Variants in LARP4 observed in about 807,000 individuals in gnomAD.
LARP4 encodes the protein la-related protein 4.
LARP4 carries 29 observed loss-of-function variants against 92.9 expected under a neutral mutation model. The ratio of observed to expected loss-of-function variants is 0.31; its 90% CI spans 0.23 to 0.43. The LOEUF (loss-of-function observed/expected upper bound fraction) is 0.43. Ranked by LOEUF, LARP4 falls within the 20% of genes least tolerant of loss-of-function variation. LARP4 has a pLI of 1.00. For missense variants in LARP4, 732 were observed against 860.0 expected (o/e 0.85, Z 1.86); for synonymous variants, 279 against 284.1 (o/e 0.98, Z 0.18).
intron 1 of LARP4, among the ~76,000 whole-genome samples, chr12:50,426,684 G>GGGGTGTGTGTGTGTGTGTGT (rs774548049): frequency 3.5e-5 from 3 of 86,174 alleles, no homozygotes; most frequent in East Asian, 4.2e-4. Context: ...TTATGTTTGG[G>GGGGTGTGTGTGTGTGTGTGT]GTGTGTGTGT....
intron 1 of LARP4, among the ~76,000 whole-genome samples, chr12:50,418,913 G>A (rs1322862483): frequency 6.6e-6 from 1 of 152,048 alleles, no homozygotes; most frequent in Admixed American, 6.6e-5. Context: ...AGAGGGGGGT[G>A]GTCTTCCTAT....
intron 13 of LARP4, among the ~76,000 whole-genome samples, chr12:50,470,048 C>T (rs557698549): frequency 6.6e-6 from 1 of 151,350 alleles, no homozygotes; most frequent in African/African-American, 2.4e-5. Flanking sequence ...AGAGAGGTCC[C>T]GTCTGTACAT....
chr12:50,441,387 C>A (rs1299135029), intron 7 of LARP4: 2 of 409,178 alleles, frequency 4.9e-6, no homozygotes, highest in African/African-American at 4.2e-5. Flanking sequence ...TGCAGTAATC[C>A]ATGGTGGCTT....
chr12:50,467,458 C>CTTTTGTAT (rs1956295085), intron 13 of LARP4, among the ~76,000 whole-genome samples: 1 of 151,810 alleles, frequency 6.6e-6, no homozygotes, highest in South Asian at 2.1e-4. Flanking sequence ...GCCCAGCTAA[C>CTTTTGTAT]TTTTGTATTT....
intron 6 of LARP4, among the ~76,000 whole-genome samples, chr12:50,439,277 A>G (rs1950866540): frequency 6.6e-6 from 1 of 152,158 alleles, no homozygotes; most frequent in African/African-American, 2.4e-5. Context: ...TCATATTCTG[A>G]ATACATAAAG....
Position 50,473,530 on chromosome 12 carries a change from C to T in LARP4, c.1661C>T (p.Ala554Val). The T allele has an allele frequency of 6.2e-7, 1 of 1,612,590 alleles. No individual in the cohort carries two copies. Among genetic ancestry groups the T allele is most frequent in the Non-Finnish European group, 8.5e-7 (1 of 1,179,172 alleles). ...TSSPCAAELT[A>V]LSTTQQEKDL... ...TCTCCATGTGCTGCTGAGCTTACTG[C>T]ATTAAGGTACAAGTTATAGTATAGA... Residue 554 changes from alanine to valine, a missense_variant, in exon 14 of 16, where the codon GCA becomes GTA. This residue lies in a region of LARP4 where 97 missense variants were observed against 85.9 expected (regional missense o/e 1.13). Coordinates refer to ENST00000398473, the MANE Select transcript of LARP4 (RefSeq NM_052879.5).
At chr12:50,428,811 T>C (rs1949204233) in intron 2 of LARP4, 124 bp from the exon 3 acceptor site, 1 of 668,510 alleles carries the variant, frequency 1.5e-6, no homozygotes, top group African/African-American at 1.8e-5. Flanking sequence ...CTTAAAACCA[T>C]GCGGACATAT....
intron 8 of LARP4, among the ~76,000 whole-genome samples, chr12:50,447,632 A>G (rs1408212509): frequency 6.6e-6 from 1 of 152,126 alleles, no homozygotes; most frequent in Non-Finnish European, 1.5e-5. Context: ...GCTGGAGTAC[A>G]GTGTGCGTGA....
chr12:50,426,734 T>TGTGG (rs1473501855), intron 1 of LARP4, among the ~76,000 whole-genome samples: 3 of 89,052 alleles, frequency 3.4e-5, no homozygotes, highest in African/African-American at 2.5e-4. Context: ...TGTGTGTGGT[T>TGTGG]TTTTTTTTTT....
rs1005844772 is a variant in LARP4, at chr12:50,428,028, C to A, written c.166+119C>A. 62 of 633,364 alleles carry A rather than the reference C, an allele frequency of 9.8e-5. 1 individual carries two copies. In the Admixed American group the frequency reaches 2.1e-3, roughly 21 times the overall value. The allele number at this position is 633,364 out of a possible 1,614,324, so 39.2% of individuals were successfully genotyped here. On this transcript the variant is annotated intron_variant, in intron 2 of 15. Coordinates refer to ENST00000398473, the MANE Select transcript of LARP4 (RefSeq NM_052879.5). Reference sequence around the variant, plus strand: ...TTTTTTTTTTTGAGACAGAGTCTTCCTCTGTCACCCAGGCTGGAGTACAGT... The same window carrying A: ...TTTTTTTTTTTGAGACAGAGTCTTCATCTGTCACCCAGGCTGGAGTACAGT...
chr12:50,473,824 G>T (rs1163976383), intron 14 of LARP4, among the ~76,000 whole-genome samples, 175 bp from the exon 15 acceptor site: 1 of 131,998 alleles, frequency 7.6e-6, no homozygotes, highest in Non-Finnish European at 1.6e-5. Flanking sequence ...TGGGGGGGGT[G>T]GGGGGTGCGG....
At position 50,461,241 on chromosome 12, in the gene LARP4, G is replaced by A. The variant is rs1468223852; in HGVS notation, c.1228G>A (p.Ala410Thr). The change falls in exon 11 of 16, where the codon GCT becomes ACT. Residue 410 changes from alanine (A) to threonine (T), a missense_variant. Physicochemically the swap from Ala to Thr is moderately conservative, Grantham distance 58 (BLOSUM62 0). Transcript: ENST00000398473. ...CAGATATAGTTCAAGAAACTTTCCA[G>A]CTGAACGGCATAACCCCACAGTAAC... ...LNRYSSRNFP[A>T]ERHNPTVTGH... is the part of the protein sequence containing the mutation. 1 of 1,614,124 alleles carries A rather than the reference G, an allele frequency of 6.2e-7. No individual in the cohort carries two copies.
At chr12:50,445,091 C>T (rs932924771) in intron 8 of LARP4, among the ~76,000 whole-genome samples, 2 of 146,300 alleles carry the variant, frequency 1.4e-5, no homozygotes, top group African/African-American at 5.0e-5. Flanking sequence ...GTGGTAGAGA[C>T]GGAGTTTTGC....
intron 2 of LARP4, among the ~76,000 whole-genome samples, chr12:50,428,582 G>A (rs1037768609): frequency 1.3e-5 from 2 of 151,824 alleles, no homozygotes; most frequent in African/African-American, 2.4e-5. Context: ...CTCACTGTTC[G>A]ACCTTGGGCA....
rs1277936838 is a variant in LARP4, at chr12:50,436,101, GGTGTGTGTGTGTGTGTGTGATAT to G, written c.535+494_535+516del. ...TGTGTGTGTGTGTGTGTATCCCGCT[GGTGTGTGTGTGTGTGTGTGATAT>G]GTGTGTGTGTGTGTGTATATATCCC... On this transcript the variant is annotated intron_variant, in intron 5 of 15. Coordinates refer to ENST00000398473, the MANE Select transcript of LARP4 (RefSeq NM_052879.5). 2.2e-5 allele frequency among the ~76,000 whole-genome samples: 3 copies of G among 134,974 alleles called. No individual in the cohort carries two copies. The East Asian group carries it at 6.4e-4, about 29-fold the overall frequency. 88.5% of individuals were successfully genotyped at this position (134,974 alleles called of 152,430 possible). A position where few individuals can be genotyped will look rare whatever the true frequency, so the allele number is the denominator to read the frequency against.
chr12:50,463,205 C>T (rs1955674784), intron 12 of LARP4, among the ~76,000 whole-genome samples: 1 of 151,534 alleles, frequency 6.6e-6, no homozygotes, highest in African/African-American at 2.4e-5. Flanking sequence ...CTTTGGGAGG[C>T]TTAGTCAGTG....
chr12:50,439,168 C>T (rs1950850094), intron 6 of LARP4, among the ~76,000 whole-genome samples: 2 of 152,064 alleles, frequency 1.3e-5, no homozygotes, highest in African/African-American at 4.8e-5. Context: ...CAAGCCTCTG[C>T]GCTCAAGCAA....
intron 1 of LARP4, among the ~76,000 whole-genome samples, chr12:50,401,869 T>TA (rs1943915337): frequency 6.6e-6 from 1 of 152,216 alleles, no homozygotes; most frequent in African/African-American, 2.4e-5. Flanking sequence ...ATACCTGCCT[T>TA]ACAGAAATAC....
At chr12:50,426,007 C>G (rs141372347) in intron 1 of LARP4, among the ~76,000 whole-genome samples, 3 of 152,280 alleles carry the variant, frequency 2.0e-5, no homozygotes, top group African/African-American at 7.2e-5. Context: ...TCTAGAATCT[C>G]TCTACTCTCA....
Sources: allele counts gnomAD v4.1 joint callset (sites outside exome capture counted in the v4.1 genomes callset), GRCh38; gene constraint gnomAD v4.1.1; regional missense constraint gnomAD v4.1.1; transcripts MANE v1.5; gene names NCBI Gene and HGNC (gene_info 2026-07-23, HGNC 2026-07-21).